Variants in SLC4A4 observed in about 807,000 individuals in gnomAD.
The protein encoded by SLC4A4 is electrogenic sodium bicarbonate cotransporter 1.
SLC4A4 carries 27 observed loss-of-function variants against 111.5 expected under a neutral mutation model. That is an observed-to-expected ratio of 0.24 (90% CI 0.18 to 0.33). The LOEUF (loss-of-function observed/expected upper bound fraction) is 0.33, where lower values mean the gene tolerates loss of function less well. Among genes scored for constraint, SLC4A4 ranks in the 10% least tolerant of loss-of-function variants. SLC4A4 has a pLI of 1.00. For missense variants in SLC4A4, 909 were observed against 1,315.5 expected (o/e 0.69, Z 4.78); for synonymous variants, 443 against 463.4 (o/e 0.96, Z 0.57).
intron 6 of SLC4A4, among the ~76,000 whole-genome samples, chr4:71,392,776 G>C (rs541340485): frequency 3.9e-4 from 59 of 152,120 alleles, no homozygotes; most frequent in African/African-American, 1.4e-3. Context: ...CAAAATACTA[G>C]CTAACCGAGT....
intron 16 of SLC4A4, among the ~76,000 whole-genome samples, chr4:71,517,541 G>A (rs1732521319): frequency 6.6e-6 from 1 of 151,928 alleles, no homozygotes; most frequent in African/African-American, 2.4e-5. Flanking sequence ...GTAGCATCCT[G>A]TCTTTTTAGA....
chr4:71,458,416 G>A (rs1278034264), intron 12 of SLC4A4, among the ~76,000 whole-genome samples: 1 of 152,076 alleles, frequency 6.6e-6, no homozygotes, highest in African/African-American at 2.4e-5. Context: ...GATTGTGAAT[G>A]AATAAGCACA....
At chr4:71,398,517 G>C (rs1232689575) in intron 7 of SLC4A4, among the ~76,000 whole-genome samples, 1 of 152,096 alleles carries the variant, frequency 6.6e-6, no homozygotes, top group Non-Finnish European at 1.5e-5. Context: ...AAATATCTCT[G>C]CAAGAAAATT....
intron 7 of SLC4A4, among the ~76,000 whole-genome samples, chr4:71,402,214 C>T (rs1245932729): frequency 6.6e-6 from 1 of 152,142 alleles, no homozygotes; most frequent in Non-Finnish European, 1.5e-5. Flanking sequence ...CCATAACTAT[C>T]TTAAAATGAA....
At chr4:71,393,325 T>C (rs1362083145) in intron 6 of SLC4A4, among the ~76,000 whole-genome samples, 2 of 152,234 alleles carry the variant, frequency 1.3e-5, no homozygotes, top group East Asian at 3.9e-4. Context: ...ATTTTCTGGA[T>C]ACAAGATTAA....
At chr4:71,344,730 A>G (rs995244443) in intron 4 of SLC4A4, among the ~76,000 whole-genome samples, 9 of 152,134 alleles carry the variant, frequency 5.9e-5, no homozygotes, top group Non-Finnish European at 1.2e-4. Context: ...GATTTCTTAC[A>G]TATTATTGAG....
At chr4:71,419,774 C>T (rs1339124034) in intron 7 of SLC4A4, among the ~76,000 whole-genome samples, 2 of 152,224 alleles carry the variant, frequency 1.3e-5, no homozygotes, top group Non-Finnish European at 2.9e-5. Flanking sequence ...GCAGAAATCA[C>T]CCGTCTTCTG....
intron 14 of SLC4A4, among the ~76,000 whole-genome samples, chr4:71,473,861 G>T (rs1728106269): frequency 6.6e-6 from 1 of 151,772 alleles, no homozygotes; most frequent in Non-Finnish European, 1.5e-5. Context: ...AAGGAATAGG[G>T]ACTGGGTGTG....
At chr4:71,174,629 T>C (rs977428788) in intron 2 of SLC4A4, among the ~76,000 whole-genome samples, 9 of 152,218 alleles carry the variant, frequency 5.9e-5, no homozygotes, top group African/African-American at 1.9e-4. Flanking sequence ...TGTAAAAATA[T>C]GAAAGTCTTC....
At chr4:71,555,470 A>G (rs376012423) in intron 21 of SLC4A4, among the ~76,000 whole-genome samples, 1 of 151,882 alleles carries the variant, frequency 6.6e-6, no homozygotes, top group Non-Finnish European at 1.5e-5. Flanking sequence ...AGAGGCTATA[A>G]TCTTTCTTTT....
intron 22 of SLC4A4, among the ~76,000 whole-genome samples, 167 bp downstream of exon 22, chr4:71,558,052 T>C (rs1164137617): frequency 6.6e-6 from 1 of 152,000 alleles, no homozygotes; most frequent in Non-Finnish European, 1.5e-5. Flanking sequence ...TATGGTTGTC[T>C]AGGATGGACC....
chr4:71,533,147 A>G (rs543365475), intron 17 of SLC4A4, among the ~76,000 whole-genome samples: 2 of 152,282 alleles, frequency 1.3e-5, no homozygotes, highest in Admixed American at 1.3e-4. Context: ...GAAGGGATAT[A>G]TATGTTATAA....
intron 1 of SLC4A4, among the ~76,000 whole-genome samples, chr4:71,232,571 A>G (rs999662750): frequency 1.3e-5 from 2 of 152,058 alleles, no homozygotes; most frequent in Non-Finnish European, 2.9e-5. Context: ...ACCACTGCAC[A>G]TAGCTAATTT....
chr4:71,377,696 C>T lies in SLC4A4; in HGVS notation c.731-19881C>T, dbSNP rs931781531. On this transcript the variant is annotated intron_variant, in intron 6 of 25. Coordinates refer to ENST00000264485, the MANE Select transcript of SLC4A4 (RefSeq NM_001098484.3). ...AGGATCAGGCTAATAGAAGCCTTCT[C>T]TCATCTGTGTTTCCACAGTCACCGT... Among the ~76,000 whole-genome samples, 3 of 152,196 alleles carry T rather than the reference C, an allele frequency of 2.0e-5. No homozygotes were observed. The South Asian group carries it at 6.2e-4, about 31-fold the overall frequency.
chr4:71,430,907 G>C (rs7685828), intron 7 of SLC4A4, among the ~76,000 whole-genome samples: 1 of 152,234 alleles, frequency 6.6e-6, no homozygotes, highest in Non-Finnish European at 1.5e-5. Flanking sequence ...CTTGTCAGGG[G>C]AGGAGTTTAC....
At chr4:71,109,933 C>G (rs1185739874) in intron 2 of SLC4A4, among the ~76,000 whole-genome samples, 2 of 152,160 alleles carry the variant, frequency 1.3e-5, no homozygotes, top group Non-Finnish European at 2.9e-5. Context: ...GCTCTAGGAA[C>G]ACATGCACAA....
intron 14 of SLC4A4, among the ~76,000 whole-genome samples, chr4:71,477,607 A>G (rs1044226032): frequency 2.6e-5 from 4 of 151,866 alleles, no homozygotes; most frequent in African/African-American, 9.7e-5. Flanking sequence ...TATATTATAC[A>G]TAGTCATTAA....
intron 20 of SLC4A4, among the ~76,000 whole-genome samples, chr4:71,549,266 C>T (rs1328552747): frequency 1.3e-5 from 2 of 151,806 alleles, no homozygotes; most frequent in African/African-American, 2.4e-5. Context: ...CTTCCGTTAT[C>T]CTATAGGCAC....
chr4:71,142,072 G>A (rs563537509), intron 2 of SLC4A4, among the ~76,000 whole-genome samples: 9 of 152,312 alleles, frequency 5.9e-5, no homozygotes, highest in African/African-American at 1.9e-4. Context: ...ATGTGTGTGT[G>A]TATATAATAG....
Sources: gnomAD v4.1 joint callset for allele counts (sites outside exome capture counted in the v4.1 genomes callset) on GRCh38, gnomAD v4.1.1 for gene constraint, MANE v1.5 for transcripts, NCBI Gene and HGNC (gene_info 2026-07-23, HGNC 2026-07-21) for gene names.